Variants in SCN10A observed in about 807,000 individuals in gnomAD.
SCN10A encodes sodium channel protein type 10 subunit alpha.
In SCN10A, 162 loss-of-function variants were observed where a neutral mutation model predicts 170.7. The ratio of observed to expected loss-of-function variants is 0.95; its 90% confidence interval spans 0.84 to 1.08. The LOEUF (loss-of-function observed/expected upper bound fraction) is 1.08. Ranked by LOEUF, SCN10A falls within the 50% of genes least tolerant of loss-of-function variation. SCN10A has a pLI of 0.00. For missense variants in SCN10A, 2,527 were observed against 2,436.9 expected, an observed-to-expected ratio of 1.04 and a Z score of -0.78; for synonymous variants, 985 against 904.6, an observed-to-expected ratio of 1.09 and a Z score of -1.59.
intron 13 of SCN10A, among the ~76,000 whole-genome samples, chr3:38,746,079 A>G (rs1461846804): frequency 0.024 from 2,224 of 90,784 alleles, 155 homozygotes; most frequent in African/African-American, 0.035. Context: ...ATATATATAT[A>G]TATATATATA....
intron 15 of SCN10A, among the ~76,000 whole-genome samples, chr3:38,736,963 GTTTTTTTTT>G (rs71085334): frequency 8.6e-5 from 4 of 46,666 alleles, no homozygotes; most frequent in South Asian, 1.0e-3. Context: ...AGAAATGTTC[GTTTTTTTTT>G]TTTTTTTTTT....
At chr3:38,778,619 G>A (rs1309340033) in intron 4 of SCN10A, among the ~76,000 whole-genome samples, 1 of 151,914 alleles carries the variant, frequency 6.6e-6, no homozygotes, top group Non-Finnish European at 1.5e-5. Flanking sequence ...AAAAGATTGT[G>A]TTAAGAACAT....
At chr3:38,770,354 T>C (rs1241093857) in intron 5 of SCN10A, among the ~76,000 whole-genome samples, 3 of 151,978 alleles carry the variant, frequency 2.0e-5, no homozygotes, top group Non-Finnish European at 4.4e-5. Flanking sequence ...CCAAGGCAGG[T>C]AGGGAAATAC....
chr3:38,736,635 A>G (rs1439602523), intron 15 of SCN10A, among the ~76,000 whole-genome samples: 1 of 152,086 alleles, frequency 6.6e-6, no homozygotes, highest in African/African-American at 2.4e-5. Context: ...AAAGAGGCAG[A>G]GGGAAAAGGT....
At chr3:38,809,338 T>A (rs1207653536) in intron 1 of SCN10A, among the ~76,000 whole-genome samples, 1 of 152,250 alleles carries the variant, frequency 6.6e-6, no homozygotes, top group Non-Finnish European at 1.5e-5. Context: ...CTGTGTGTTC[T>A]TGACTTCAAT....
intron 21 of SCN10A, among the ~76,000 whole-genome samples, chr3:38,715,271 C>T (rs2063323268): frequency 6.6e-6 from 1 of 152,154 alleles, no homozygotes; most frequent in Non-Finnish European, 1.5e-5. Flanking sequence ...GGTGCTGTGC[C>T]TCTCCAGCAA....
chr3:38,763,431 C>A (rs1001263804), intron 6 of SCN10A, 74 bp downstream of exon 6: 1 of 1,168,776 alleles, frequency 8.6e-7, no homozygotes, highest in South Asian at 1.2e-5. Flanking sequence ...TGGAACCTTA[C>A]AGGGTTCTTG....
rs771302766 is a variant in SCN10A, at chr3:38,697,899, G to A, written c.5321C>T (p.Pro1774Leu). Residue 1774 changes from proline to leucine, a missense_variant, in exon 28 of 28, where the codon CCC becomes CTC. By Grantham distance (98) the Pro-to-Leu change is moderately conservative. Transcript: ENST00000449082. The part of the protein sequence containing the change: ...LSDFADTLSG[P>L]LRIPKPNRNI... The stretch of plus-strand genomic sequence containing the variant: ...TCGATTGGGTTTTGGGATTCTCAGG[G>A]GACCAGAGAGAGTGTCTGCAAAGTC... 6 of 1,614,062 alleles carry A rather than the reference G, an allele frequency of 3.7e-6. No homozygotes were observed. The South Asian group carries it at 6.6e-5, about 18-fold the overall frequency.
In SCN10A at chr3:38,773,767, T is replaced by C. The variant is rs186194268; in HGVS notation, c.471-2360A>G. On this transcript the variant is annotated intron_variant, in intron 4 of 27. Transcript: ENST00000449082. The stretch of plus-strand genomic sequence containing the variant: ...ATACAATGGATATATTATCTGATGA[T>C]CTAACTGAAGATTACAATATAACTG... Among the ~76,000 whole-genome samples the C allele has an allele frequency of 6.9e-4, 105 of 152,308 alleles. 1 individual carries two copies. Among genetic ancestry groups the C allele is most frequent in the African/African-American group, 1.2e-4 (5 of 41,562 alleles).
intron 4 of SCN10A, among the ~76,000 whole-genome samples, chr3:38,787,384 C>T (rs540593967): frequency 6.6e-6 from 1 of 152,090 alleles, no homozygotes; most frequent in African/African-American, 2.4e-5. Flanking sequence ...CCTTACTATA[C>T]TCTTTTATTA....
chr3:38,761,097 T>A, intron 7 of SCN10A, 95 bp downstream of exon 7: 2 of 1,022,740 alleles, frequency 2.0e-6, no homozygotes, highest in South Asian at 1.6e-5. Flanking sequence ...AAAATATATG[T>A]CTATACACAC....
rs1323189684 is a variant in SCN10A, at chr3:38,702,062, A to G, written c.4434T>C (p.Phe1478=). The change falls in exon 27 of 28, where the codon TTT becomes TTC. Residue 1478 remains phenylalanine, a synonymous_variant. Transcript: ENST00000449082. ...AGATGAGGACCATGATGGTGATGTC[A>G]AAAGCTTGTCTGGTCACGATGTCAA... is the stretch of plus-strand genomic sequence containing the variant. ...FVFDIVTRQA[F]DITIMVLICL... is the part of the protein sequence containing the mutation. The G allele has an allele frequency of 1.3e-6, 2 of 1,590,730 alleles. No individual in the cohort carries two copies. Among genetic ancestry groups the G allele is most frequent in the South Asian group, 2.3e-5 (2 of 87,044 alleles).
chr3:38,759,009 A>G (rs2063839289), intron 8 of SCN10A, among the ~76,000 whole-genome samples: 1 of 152,182 alleles, frequency 6.6e-6, no homozygotes, highest in Non-Finnish European at 1.5e-5. Flanking sequence ...CAAAGAACCA[A>G]ATGCCAAGTG....
At chr3:38,707,886 C>A (rs1192286939) in intron 25 of SCN10A, among the ~76,000 whole-genome samples, 1 of 152,154 alleles carries the variant, frequency 6.6e-6, no homozygotes, top group Non-Finnish European at 1.5e-5. Flanking sequence ...TCCTTGGTCT[C>A]AGAGGGACCT....
chr3:38,756,288 G>A (rs1416641134), intron 10 of SCN10A, among the ~76,000 whole-genome samples: 1 of 150,338 alleles, frequency 6.7e-6, no homozygotes, highest in African/African-American at 2.5e-5. Context: ...TTCTGGGATA[G>A]GTATGGGGAG....
chr3:38,747,594 A>T (rs989265722), intron 13 of SCN10A, among the ~76,000 whole-genome samples: 1 of 152,216 alleles, frequency 6.6e-6, no homozygotes, highest in African/African-American at 2.4e-5. Flanking sequence ...ACTGTGTACC[A>T]TAAGTGGAAG....
At chr3:38,812,156 AC>A (rs2064445143) in intron 1 of SCN10A, among the ~76,000 whole-genome samples, 1 of 152,226 alleles carries the variant, frequency 6.6e-6, no homozygotes, top group South Asian at 2.1e-4. Context: ...TAAAAATTGA[AC>A]AAAAAAGATG....
intron 26 of SCN10A, among the ~76,000 whole-genome samples, chr3:38,706,557 A>G (rs1386886806): frequency 6.6e-6 from 1 of 152,244 alleles, no homozygotes; most frequent in Admixed American, 6.5e-5. Flanking sequence ...CTGTTCATCC[A>G]TTCCCAAAAA....
intron 13 of SCN10A, among the ~76,000 whole-genome samples, chr3:38,747,123 T>C (rs144060047): frequency 3.4e-3 from 517 of 152,308 alleles, no homozygotes; most frequent in Non-Finnish European, 5.9e-3. Context: ...TTATTTAACC[T>C]AAGGTTTCCT....
Sources: allele counts gnomAD v4.1 joint callset (sites outside exome capture counted in the v4.1 genomes callset), GRCh38; gene constraint gnomAD v4.1.1; transcripts MANE v1.5; gene names NCBI Gene and HGNC (gene_info 2026-07-23, HGNC 2026-07-21).